Variants in HERC3 observed in about 807,000 individuals in gnomAD.
HERC3 encodes HECT and RLD domain containing E3 ubiquitin protein ligase 3, also known as probable E3 ubiquitin-protein ligase HERC3.
HERC3 carries 58 observed loss-of-function variants against 129.9 expected under a neutral mutation model. The ratio of observed to expected loss-of-function variants is 0.45; its 90% CI spans 0.36 to 0.56. HERC3 has a LOEUF of 0.56. HERC3 is among the 20% of genes least tolerant of loss of function. The pLI, the probability that HERC3 is intolerant of heterozygous loss-of-function variation, is 0.00. For missense variants in HERC3, 835 were observed against 1,244.2 expected (o/e 0.67, Z 4.95); for synonymous variants, 430 against 451.0 (o/e 0.95, Z 0.59).
intron 3 of HERC3, among the ~76,000 whole-genome samples, chr4:88,635,949 T>C (rs563623716): frequency 6.6e-6 from 1 of 152,282 alleles, no homozygotes; most frequent in African/African-American, 2.4e-5. Flanking sequence ...AAGCAAATGC[T>C]GAGGGAATTT....
intron 3 of HERC3, among the ~76,000 whole-genome samples, chr4:88,621,257 C>G (rs1725490269): frequency 6.6e-6 from 1 of 152,122 alleles, no homozygotes; most frequent in South Asian, 2.1e-4. Flanking sequence ...CAGGTGCCCG[C>G]CACCATACCT....
chr4:88,642,391 T>A (rs914039598), intron 3 of HERC3, among the ~76,000 whole-genome samples: 20 of 152,160 alleles, frequency 1.3e-4, no homozygotes, highest in African/African-American at 4.8e-4. Context: ...AGAAGAAAAC[T>A]TTTTCAACCT....
intron 23 of HERC3, chr4:88,693,160 C>T (rs1734245691): frequency 1.2e-5 from 12 of 984,956 alleles, no homozygotes; most frequent in Non-Finnish European, 1.4e-5. Flanking sequence ...GAATATTTGG[C>T]TTGTTTGTAT....
chr4:88,697,347 C>T, intron 23 of HERC3: 2 of 1,614,004 alleles, frequency 1.2e-6, no homozygotes, highest in Non-Finnish European at 8.5e-7. Flanking sequence ...CCTCCTCCTC[C>T]CCCTCCAAGG....
the HERC3 span, among the ~76,000 whole-genome samples, chr4:88,581,006 T>C: frequency 4.6e-5 from 7 of 152,186 alleles, no homozygotes; most frequent in Admixed American, 6.5e-5. Flanking sequence ...CTGAAGGGGA[T>C]AGATGATCAA....
intron 3 of HERC3, among the ~76,000 whole-genome samples, chr4:88,633,663 C>T (rs923889035): frequency 7.9e-5 from 12 of 151,748 alleles, no homozygotes; most frequent in Non-Finnish European, 1.5e-4. Context: ...GGTAAAAATC[C>T]AAATATAGCA....
rs948603970 is a variant in HERC3, at chr4:88,707,600, G to A, written c.*640G>A. 2 of 152,246 alleles carry A rather than the reference G, an allele frequency of 1.3e-5. No homozygotes were observed. Among genetic ancestry groups the A allele is most frequent in the African/African-American group, 4.8e-5 (2 of 41,430 alleles). 9.4% of individuals were successfully genotyped at this position (152,246 alleles called of 1,614,324 possible). A position where few individuals can be genotyped will look rare whatever the true frequency, so the allele number is the denominator to read the frequency against. On this transcript the variant is annotated 3_prime_UTR_variant, in exon 26 of 26. Transcript: ENST00000402738. ...CATATCTTGCTTTTAAAAAGTTCTT[G>A]AGGGAATAGCAACTTTCCCATGGCT...
At chr4:88,569,734 G>A in the HERC3 span, among the ~76,000 whole-genome samples, 2 of 152,186 alleles carry the variant, frequency 1.3e-5, no homozygotes, top group Non-Finnish European at 1.5e-5. Flanking sequence ...ATGCATATCA[G>A]CTTTCCCTTC....
At position 88,706,957 on chromosome 4, in the gene HERC3, C is replaced by T. The variant is rs1230304490; in HGVS notation, c.3150C>T (p.Ala1050=). 1 of 1,613,246 alleles carries T rather than the reference C, an allele frequency of 6.2e-7. No homozygotes were observed. The highest frequency in any genetic ancestry group is 1.1e-5 in the South Asian group (1 of 91,042). Residue 1050 remains alanine (A), a synonymous_variant, in exon 26 of 26, where the codon GCC becomes GCT. Transcript: ENST00000402738. Reference sequence around the variant, plus strand: ...ACAACTATGAAGGGTTTAGTTTGGCCTGAGGCTTCTCAGCTTGTCCAGTAT... The same window carrying T: ...ACAACTATGAAGGGTTTAGTTTGGCTTGAGGCTTCTCAGCTTGTCCAGTAT... ...ALDNYEGFSL[A]
At chr4:88,539,413 C>T in the HERC3 span, among the ~76,000 whole-genome samples, 1 of 152,170 alleles carries the variant, frequency 6.6e-6, no homozygotes, top group African/African-American at 2.4e-5. Context: ...AACAAAGCAG[C>T]CAGGAAGCTT....
chr4:88,538,785 T>G, the HERC3 span, among the ~76,000 whole-genome samples: 1 of 151,760 alleles, frequency 6.6e-6, no homozygotes, highest in East Asian at 1.9e-4. Context: ...CCTCGTGATC[T>G]GCCCGCCTCG....
intron 23 of HERC3, chr4:88,697,731 C>A (rs201827649): frequency 1.1e-5 from 17 of 1,610,098 alleles, no homozygotes; most frequent in African/African-American, 1.3e-5. Context: ...GCTCCGCAGG[C>A]CCCTGGTTTT....
At chr4:88,671,642 G>A (rs780175144) in intron 16 of HERC3, among the ~76,000 whole-genome samples, 14 of 152,018 alleles carry the variant, frequency 9.2e-5, no homozygotes, top group Non-Finnish European at 1.6e-4. Flanking sequence ...TCCCACCTCA[G>A]CCTCCCGAGT....
At chr4:88,621,711 C>A (rs1725541096) in intron 3 of HERC3, among the ~76,000 whole-genome samples, 1 of 152,202 alleles carries the variant, frequency 6.6e-6, no homozygotes, top group African/African-American at 2.4e-5. Flanking sequence ...ATTACTGCAG[C>A]AGGTTTGTCT....
rs1371335837 is a variant in HERC3, at chr4:88,650,010, T to C, written c.386+11T>C. The C allele has an allele frequency of 1.2e-6, 2 of 1,603,356 alleles. No individual in the cohort carries two copies. Among genetic ancestry groups the C allele is most frequent in the Admixed American group, 3.4e-5 (2 of 58,968 alleles). ...TGTGGCAGTGCCCAGGTAAGAAGGT[T>C]TTCAAATGTCAGTCGTTTTAAATGC... is the stretch of plus-strand genomic sequence containing the variant. On this transcript the variant is annotated intron_variant, in intron 4 of 25. Coordinates refer to ENST00000402738, the MANE Select transcript of HERC3 (RefSeq NM_014606.3).
chr4:88,664,157 G>T lies in HERC3; in HGVS notation c.1276G>T (p.Val426Phe), dbSNP rs982319018. 7 of 1,612,340 alleles carry T rather than the reference G, an allele frequency of 4.3e-6. No individual in the cohort carries two copies. The Admixed American group carries it at 6.7e-5, about 15-fold the overall frequency. Reference protein sequence around the residue: ...EHNNANTINGVVQILSSAACW... With the variant: ...EHNNANTINGFVQILSSAACW... ...TCCCTTCTTTTCTTTGAGCAGTGGTGTTGTTCAGATATTATCTTCTGCAGC... is the reference window on the plus strand; with the variant it reads ...TCCCTTCTTTTCTTTGAGCAGTGGTTTTGTTCAGATATTATCTTCTGCAGC... The change falls in exon 12 of 26, where the codon GTT becomes TTT. Residue 426 changes from valine (V) to phenylalanine (F), a missense_variant. Coordinates refer to ENST00000402738, the MANE Select transcript of HERC3 (RefSeq NM_014606.3).
chr4:88,590,313 C>G (rs1350670980), upstream of HERC3, among the ~76,000 whole-genome samples: 1 of 151,944 alleles, frequency 6.6e-6, no homozygotes, highest in African/African-American at 2.4e-5. Context: ...GTAATCCCAG[C>G]ACTTTGGGAG....
rs534417511 is a variant in HERC3, at chr4:88,604,108, C to T, written c.-29-1687C>T. 1.1e-4 allele frequency among the ~76,000 whole-genome samples: 17 copies of T among 152,170 alleles called. No individual in the cohort carries two copies. The East Asian group carries it at 3.1e-3, about 28-fold the overall frequency. The stretch of plus-strand genomic sequence containing the variant: ...TGACCTCAGCTCACTGCAACCTCTG[C>T]CTCCCGGATTCAAGCGATTCTCCTA... On this transcript the variant is annotated intron_variant, in intron 2 of 25. Transcript: ENST00000402738.
chr4:88,686,886 A>C, intron 22 of HERC3, 84 bp downstream of exon 22: 1 of 1,051,198 alleles, frequency 9.5e-7, no homozygotes, highest in South Asian at 1.4e-5. Flanking sequence ...TTCTTCTTCA[A>C]ATCATAGAAA....
Sources: allele counts gnomAD v4.1 joint callset (sites outside exome capture counted in the v4.1 genomes callset), GRCh38; gene constraint gnomAD v4.1.1; transcripts MANE v1.5; gene names NCBI Gene and HGNC (gene_info 2026-07-23, HGNC 2026-07-21).